The following ATP13A3 variants were observed in gnomAD, a reference collection of about 807,000 sequenced individuals.
ATP13A3 encodes the protein polyamine-transporting ATPase 13A3.
ATP13A3 carries 59 observed loss-of-function variants against 158.1 expected under a neutral mutation model. That is an observed-to-expected ratio of 0.37 (90% confidence interval 0.30 to 0.46). The LOEUF (loss-of-function observed/expected upper bound fraction) is 0.46. ATP13A3 is among the 20% of genes least tolerant of loss of function. The pLI, the probability that ATP13A3 is intolerant of heterozygous loss-of-function variation, is 1.00. For missense variants in ATP13A3, 1,166 were observed against 1,525.2 expected, an observed-to-expected ratio of 0.76 and a Z score of 3.92; for synonymous variants, 491 against 504.3, an observed-to-expected ratio of 0.97 and a Z score of 0.35.
At chr3:194,461,269 G>A (rs2108974731) in intron 3 of ATP13A3, among the ~76,000 whole-genome samples, 1 of 151,982 alleles carries the variant, frequency 6.6e-6, no homozygotes, top group South Asian at 2.1e-4. Flanking sequence ...TGAAGTTCCT[G>A]TACATCCTTT....
chr3:194,424,963 C>T (rs1716651810), intron 30 of ATP13A3, among the ~76,000 whole-genome samples: 1 of 152,344 alleles, frequency 6.6e-6, no homozygotes, highest in South Asian at 2.1e-4. Flanking sequence ...GTCTCCGCTT[C>T]CATTCCTAAC....
intron 2 of ATP13A3, among the ~76,000 whole-genome samples, chr3:194,482,383 G>A (rs1433810185): frequency 6.6e-6 from 1 of 152,124 alleles, no homozygotes; most frequent in African/African-American, 2.4e-5. Context: ...ATGAGTCACT[G>A]TGCATAACCT....
At chr3:194,419,534 A>C (rs1166262832) in intron 31 of ATP13A3, among the ~76,000 whole-genome samples, 1 of 152,194 alleles carries the variant, frequency 6.6e-6, no homozygotes, top group Non-Finnish European at 1.5e-5. Flanking sequence ...GAATTGAAGA[A>C]CTAAATGGCC....
intron 2 of ATP13A3, among the ~76,000 whole-genome samples, chr3:194,481,861 G>A (rs552762161): frequency 6.6e-6 from 1 of 152,256 alleles, no homozygotes; most frequent in South Asian, 2.1e-4. Flanking sequence ...GATCCACAGG[G>A]AGTAAGTGTA....
intron 20 of ATP13A3, 59 bp from the exon 21 acceptor site, chr3:194,433,955 T>C (rs904161982): frequency 1.6e-5 from 24 of 1,501,864 alleles, no homozygotes; most frequent in Admixed American, 6.0e-5. Context: ...GCAACTTATG[T>C]ACACAAACTT....
At chr3:194,428,220 C>CAA (rs1188178641) in intron 28 of ATP13A3, among the ~76,000 whole-genome samples, 6 of 57,926 alleles carry the variant, frequency 1.0e-4, no homozygotes, top group Non-Finnish European at 9.7e-5. Context: ...GACTCTGTCT[C>CAA]AAAAAAAAAA....
intron 11 of ATP13A3, among the ~76,000 whole-genome samples, chr3:194,449,542 G>A (rs1194757171): frequency 6.6e-6 from 1 of 152,118 alleles, no homozygotes; most frequent in Non-Finnish European, 1.5e-5. Context: ...GCCATGCATG[G>A]TGGCACACAC....
chr3:194,475,338 T>G (rs971614293), intron 2 of ATP13A3, among the ~76,000 whole-genome samples: 1 of 152,224 alleles, frequency 6.6e-6, no homozygotes, highest in African/African-American at 2.4e-5. Flanking sequence ...TGATTCATAT[T>G]TCACTCTTCC....
intron 32 of ATP13A3, chr3:194,413,180 G>T (rs887746543): frequency 2.6e-5 from 4 of 152,310 alleles, no homozygotes; most frequent in African/African-American, 7.3e-5. Flanking sequence ...CTAACGGGAG[G>T]GTAACTACAC....
At chr3:194,473,079 A>G (rs1395991175) in intron 2 of ATP13A3, among the ~76,000 whole-genome samples, 3 of 152,172 alleles carry the variant, frequency 2.0e-5, no homozygotes, top group African/African-American at 7.2e-5. Context: ...TCATACCCCA[A>G]ATCTTAGCAT....
At chr3:194,487,896 T>C (rs3732469), upstream of ATP13A3, 22,169 of 152,446 alleles carry the variant, frequency 0.15, 2,603 homozygotes, top group African/African-American at 0.32. Flanking sequence ...ACGGCATGCA[T>C]GCGGACCCCG....
At chr3:194,414,986 C>T (rs1715718055) in intron 31 of ATP13A3, among the ~76,000 whole-genome samples, 1 of 152,132 alleles carries the variant, frequency 6.6e-6, no homozygotes, top group African/African-American at 2.4e-5. Context: ...TAGGGGATAT[C>T]ACCAGAATGT....
At chr3:194,419,333 C>T (rs1389455724) in intron 31 of ATP13A3, among the ~76,000 whole-genome samples, 6 of 151,978 alleles carry the variant, frequency 3.9e-5, no homozygotes, top group East Asian at 1.9e-4. Flanking sequence ...TGATTGGTAA[C>T]GTTACCTTTT....
intron 2 of ATP13A3, among the ~76,000 whole-genome samples, chr3:194,476,466 G>C (rs1720527752): frequency 6.6e-6 from 1 of 152,058 alleles, no homozygotes; most frequent in East Asian, 1.9e-4. Context: ...CTCCTTTAAT[G>C]AGTATGAGTT....
Position 194,461,993 on chromosome 3 carries a change from CA to C in ATP13A3, c.51+146del, listed in dbSNP as rs1401202555. 7.0e-6 allele frequency: 5 copies of C among 712,136 alleles called. No individual in the cohort carries two copies. In the African/African-American group the frequency reaches 9.0e-5, roughly 13 times the overall value. The allele number at this position is 712,136 out of a possible 1,614,324, so 44.1% of individuals were successfully genotyped here. ...AACTAATAGACATATTACACAATCC[CA>C]ATTCAAAAGCACAGGATGAAGAAAG... is the stretch of plus-strand genomic sequence containing the variant. On this transcript the variant is annotated intron_variant, in intron 3 of 33. Transcript: ENST00000645319.
chr3:194,410,296 C>CAGAAAAAA (rs1715272073), intron 33 of ATP13A3, among the ~76,000 whole-genome samples: 1 of 21,806 alleles, frequency 4.6e-5, no homozygotes, highest in Non-Finnish European at 7.7e-5. Flanking sequence ...CTCCTCTCTG[C>CAGAAAAAA]AAAAAAAAAA....
chr3:194,471,386 C>T (rs1222554931), intron 2 of ATP13A3, among the ~76,000 whole-genome samples: 1 of 150,570 alleles, frequency 6.6e-6, no homozygotes, highest in Admixed American at 6.6e-5. Flanking sequence ...CAGCATCTTG[C>T]TCTGTCTCCC....
rs186492488 is a variant in ATP13A3 at position 194,475,368 on chromosome 3, C to A, written c.-47+10426G>T. ...TCTTCCAGATTCTGATTTGAAAAAT[C>A]CAACCACAAAGAAGCACAAAATCAC... On this transcript the variant is annotated intron_variant, in intron 2 of 33. Transcript: ENST00000645319. 5.3e-5 allele frequency among the ~76,000 whole-genome samples: 8 copies of A among 152,250 alleles called. No individual in the cohort carries two copies. The East Asian group carries it at 1.5e-3, about 29-fold the overall frequency.
At chr3:194,410,945 T>C (rs867652834) in intron 33 of ATP13A3, among the ~76,000 whole-genome samples, 1 of 145,482 alleles carries the variant, frequency 6.9e-6, no homozygotes, top group African/African-American at 2.6e-5. Context: ...GGGGTGTGTG[T>C]GTGTGTGTGT....
Sources: gnomAD v4.1 joint callset for allele counts (sites outside exome capture counted in the v4.1 genomes callset) on GRCh38, gnomAD v4.1.1 for gene constraint, MANE v1.5 for transcripts, NCBI Gene and HGNC (gene_info 2026-07-23, HGNC 2026-07-21) for gene names.